Variants in PTPRD observed in about 807,000 individuals in gnomAD.
The protein encoded by PTPRD is receptor-type tyrosine-protein phosphatase delta.
A neutral mutation model predicts 214.5 loss-of-function variants in PTPRD; 34 were observed. That is an observed-to-expected ratio of 0.16 (90% CI 0.12 to 0.21). The LOEUF (loss-of-function observed/expected upper bound fraction) is 0.21, where lower values mean the gene tolerates loss of function less well. PTPRD is among the 10% of genes least tolerant of loss of function. PTPRD has a pLI of 1.00. For missense variants in PTPRD, 2,545 were observed against 2,398.7 expected, an observed-to-expected ratio of 1.06 and a Z score of -1.27; for synonymous variants, 1,128 against 845.7, an observed-to-expected ratio of 1.33 and a Z score of -5.79.
At chr9:8,968,212 C>T (rs1401837177) in intron 11 of PTPRD, among the ~76,000 whole-genome samples, 1 of 152,110 alleles carries the variant, frequency 6.6e-6, no homozygotes, top group African/African-American at 2.4e-5. Flanking sequence ...CTGCAATAAA[C>T]ATACGTGTGC....
intron 9 of PTPRD, among the ~76,000 whole-genome samples, chr9:9,361,969 T>C (rs952945770): frequency 6.6e-6 from 1 of 151,238 alleles, no homozygotes; most frequent in South Asian, 2.1e-4. Flanking sequence ...TAATAATTCA[T>C]AAACTCCTTT....
intron 8 of PTPRD, among the ~76,000 whole-genome samples, chr9:9,406,042 A>T (rs992275813): frequency 6.6e-6 from 1 of 151,980 alleles, no homozygotes; most frequent in African/African-American, 2.4e-5. Context: ...TTTGGTTTGG[A>T]ATATGAAGGG....
chr9:9,067,902 T>A (rs1187566728), intron 10 of PTPRD, among the ~76,000 whole-genome samples: 1 of 152,166 alleles, frequency 6.6e-6, no homozygotes, highest in Non-Finnish European at 1.5e-5. Context: ...GTATTTAAAC[T>A]AGAATGAAGA....
chr9:8,883,881 G>A (rs2098466004), intron 11 of PTPRD, among the ~76,000 whole-genome samples: 1 of 152,098 alleles, frequency 6.6e-6, no homozygotes, highest in Admixed American at 6.5e-5. Context: ...AATATCTGGG[G>A]ATATACATTC....
chr9:8,619,666 T>C (rs2095747321), intron 14 of PTPRD, among the ~76,000 whole-genome samples: 1 of 151,968 alleles, frequency 6.6e-6, no homozygotes, highest in Admixed American at 6.6e-5. Context: ...CAGAGCTCTC[T>C]TTCTACCCAG....
At chr9:10,456,098 CA>C (rs2098915119) in intron 2 of PTPRD, among the ~76,000 whole-genome samples, 1 of 151,812 alleles carries the variant, frequency 6.6e-6, no homozygotes, top group South Asian at 2.1e-4. Context: ...ATGAAATACA[CA>C]GATAGTTTGG....
intron 7 of PTPRD, among the ~76,000 whole-genome samples, chr9:9,692,690 T>C (rs2097296488): frequency 6.6e-6 from 1 of 151,802 alleles, no homozygotes; most frequent in African/African-American, 2.4e-5. Flanking sequence ...GTGATAAGAA[T>C]TGCATTGAAT....
intron 3 of PTPRD, among the ~76,000 whole-genome samples, chr9:10,185,684 T>C (rs2099327177): frequency 6.6e-6 from 1 of 152,192 alleles, no homozygotes. Flanking sequence ...CTTCTGTTTA[T>C]ATCTGTATTG....
intron 6 of PTPRD, among the ~76,000 whole-genome samples, chr9:9,742,056 A>C (rs1014102588): frequency 2.0e-5 from 3 of 152,300 alleles, no homozygotes; most frequent in African/African-American, 7.2e-5. Flanking sequence ...GGTTGAACTA[A>C]TTTAGACTCC....
chr9:10,182,259 C>CAA (rs3075574), intron 3 of PTPRD, among the ~76,000 whole-genome samples: 10,436 of 54,360 alleles, frequency 0.19, 948 homozygotes, highest in Non-Finnish European at 0.24. Context: ...GACTCTGCCT[C>CAA]AAAAAAAAAA....
intron 2 of PTPRD, among the ~76,000 whole-genome samples, chr9:10,493,374 C>T (rs1307140686): frequency 6.6e-6 from 1 of 152,060 alleles, no homozygotes; most frequent in Non-Finnish European, 1.5e-5. Flanking sequence ...GTAAACAAAA[C>T]AGCATGGTAC....
At chr9:10,150,658 TAA>T (rs376291904) in intron 3 of PTPRD, among the ~76,000 whole-genome samples, 2 of 111,434 alleles carry the variant, frequency 1.8e-5, no homozygotes, top group African/African-American at 6.6e-5. Context: ...TAAAGTAAAA[TAA>T]AAAAAAAACT....
At chr9:10,024,547 T>G (rs1275230732) in intron 4 of PTPRD, among the ~76,000 whole-genome samples, 1 of 152,182 alleles carries the variant, frequency 6.6e-6, no homozygotes, top group East Asian at 1.9e-4. Context: ...TAGTCTCAAG[T>G]GTTTCATTTC....
intron 11 of PTPRD, among the ~76,000 whole-genome samples, chr9:8,856,080 A>T (rs1013461411): frequency 6.6e-6 from 1 of 152,230 alleles, no homozygotes; most frequent in Non-Finnish European, 1.5e-5. Flanking sequence ...CAGACACGGA[A>T]CATTGAAAAT....
intron 11 of PTPRD, among the ~76,000 whole-genome samples, chr9:8,844,165 T>C (rs2097637274): frequency 6.6e-6 from 1 of 152,220 alleles, no homozygotes. Flanking sequence ...TTCCCCTTTA[T>C]CTACATTATA....
Position 9,251,514 on chromosome 9 carries a change from G to A in PTPRD, c.-202-68151C>T, listed in dbSNP as rs150034388. 5.7e-3 allele frequency among the ~76,000 whole-genome samples: 861 copies of A among 151,906 alleles called. 7 individuals are homozygous for A. Among genetic ancestry groups the A allele is most frequent in the African/African-American group, 0.02 (810 of 41,460 alleles). ...TACTATTCATTAATTTTTAAAAGCC[G>A]GCTCAAGGGTGTTTCTCTGTCAATT... On this transcript the variant is annotated intron_variant, in intron 9 of 45. Coordinates refer to ENST00000381196, the MANE Select transcript of PTPRD (RefSeq NM_002839.4).
chr9:8,332,342 CAGA>C (rs1564006119), intron 43 of PTPRD, among the ~76,000 whole-genome samples: 2 of 152,094 alleles, frequency 1.3e-5, no homozygotes, highest in African/African-American at 4.8e-5. Context: ...CCCCATGTCT[CAGA>C]GGAATACCAT....
At chr9:9,131,441 G>A (rs999902701) in intron 10 of PTPRD, among the ~76,000 whole-genome samples, 1 of 152,160 alleles carries the variant, frequency 6.6e-6, no homozygotes, top group East Asian at 1.9e-4. Flanking sequence ...TATAAATAGC[G>A]GAGTTCAAAT....
At chr9:10,523,270 T>G (rs2052989547) in intron 2 of PTPRD, among the ~76,000 whole-genome samples, 1 of 151,988 alleles carries the variant, frequency 6.6e-6, no homozygotes. Flanking sequence ...ATGCTACGAT[T>G]TACCACTACA....
Sources: allele counts gnomAD v4.1 joint callset (sites outside exome capture counted in the v4.1 genomes callset), GRCh38; gene constraint gnomAD v4.1.1; transcripts MANE v1.5; gene names NCBI Gene and HGNC (gene_info 2026-07-23, HGNC 2026-07-21).